DSTYK: variants seen among roughly 807,000 people sequenced by gnomAD.
DSTYK encodes the protein dual serine/threonine and tyrosine protein kinase, also known as RIP-homologous kinase.
DSTYK carries 34 observed loss-of-function variants against 98.7 expected under a neutral mutation model. The observed-to-expected ratio is 0.34, with a 90% CI of 0.26 to 0.46. The LOEUF (loss-of-function observed/expected upper bound fraction) is 0.46, where lower values mean the gene tolerates loss of function less well. DSTYK is among the 20% of genes least tolerant of loss of function. The pLI is 1.00. For missense variants in DSTYK, 962 were observed against 1,181.7 expected (o/e 0.81, Z 2.73); for synonymous variants, 462 against 457.3 (o/e 1.01, Z -0.13).
Position 205,147,591 on chromosome 1 carries a change from C to T in DSTYK, c.2757G>A (p.Glu919=). The T allele has an allele frequency of 6.2e-7, 1 of 1,613,006 alleles. No individual in the cohort carries two copies. The highest frequency in any genetic ancestry group is 8.5e-7 in the Non-Finnish European group (1 of 1,179,006). The change falls in exon 13 of 13, where the codon GAG becomes GAA. Residue 919 remains glutamate (E), a synonymous_variant. Transcript: ENST00000367162. The part of the protein sequence containing the change: ...IMNRLCKSNS[E]QPNRGLDDST ...AATCATCTAGTCCTCTGTTTGGCTG[C>T]TCAGAATTGGACTTGCAGAGCCGAT... is the stretch of plus-strand genomic sequence containing the variant.
chr1:205,183,082 A>AGTG (rs1422093995), intron 2 of DSTYK, among the ~76,000 whole-genome samples: 1 of 141,436 alleles, frequency 7.1e-6, no homozygotes, highest in Non-Finnish European at 1.5e-5. Flanking sequence ...AAAAAAAAGC[A>AGTG]CACACACACA....
At chr1:205,157,445 T>C (rs1657595681) in intron 9 of DSTYK, 59 bp from the exon 10 acceptor site, 1 of 1,372,704 alleles carries the variant, frequency 7.3e-7, no homozygotes, top group South Asian at 1.2e-5. Context: ...TTCAACTGAC[T>C]ATACTAGGGC....
intron 3 of DSTYK, among the ~76,000 whole-genome samples, chr1:205,167,558 G>A (rs1203358736): frequency 2.6e-5 from 4 of 152,160 alleles, no homozygotes; most frequent in African/African-American, 7.2e-5. Context: ...TAAAGGGAGC[G>A]TATGGAGGAC....
Position 205,169,874 on chromosome 1 carries a change from G to C in DSTYK, c.655-42C>G. 1.3e-6 allele frequency: 2 copies of C among 1,543,034 alleles called. No individual in the cohort carries two copies. The highest frequency in any genetic ancestry group is 1.7e-6 in the Non-Finnish European group (2 of 1,148,502). On this transcript the variant is annotated intron_variant, in intron 2 of 12. Coordinates refer to ENST00000367162, the MANE Select transcript of DSTYK (RefSeq NM_015375.3). The surrounding 1 kb of genome is among the most constrained non-coding windows in gnomAD (Gnocchi z 4.0). ...GTCATATATCAGCGCCTCAGGGTCA[G>C]AACCAATCCCTGTCTCCCCAAAGTC...
chr1:205,193,723 T>A (rs538687424), intron 1 of DSTYK, among the ~76,000 whole-genome samples: 11 of 151,964 alleles, frequency 7.2e-5, no homozygotes, highest in African/African-American at 2.7e-4. Flanking sequence ...ATACAAAAAT[T>A]AGCCAGGCGT....
chr1:205,147,162 A>G lies in DSTYK; in HGVS notation c.*396T>C, dbSNP rs1558595842. ...AGTCCTGACTAAACTATTCCTAGCT[A>G]GAGCCAAAAATCATGAGAATGAGAT... On this transcript the variant is annotated 3_prime_UTR_variant, in exon 13 of 13. Coordinates refer to ENST00000367162, the MANE Select transcript of DSTYK (RefSeq NM_015375.3). The G allele has an allele frequency of 6.4e-6, 1 of 156,118 alleles. No individual in the cohort carries two copies. The highest frequency in any genetic ancestry group is 1.4e-5 in the Non-Finnish European group (1 of 70,532). The allele number at this position is 156,118 out of a possible 1,614,324, so 9.7% of individuals were successfully genotyped here.
chr1:205,202,556 C>A (rs941115112), intron 1 of DSTYK: 72 of 954,228 alleles, frequency 7.5e-5, no homozygotes, highest in Middle Eastern at 3.2e-4. Flanking sequence ...AACAAAGCAC[C>A]TAAGATGCGC....
Position 205,159,636 on chromosome 1 carries a change from C to A in DSTYK, c.2149G>T (p.Val717Phe). ...HERLVDLHGS[V>F]IDYNYGGGSS... ...CCACCACCATAGTTGTAGTCAATGACTGAACCATGGAGATCCACCAATCGC... is the reference window on the plus strand; with the variant it reads ...CCACCACCATAGTTGTAGTCAATGAATGAACCATGGAGATCCACCAATCGC... Residue 717 changes from valine to phenylalanine, a missense_variant, in exon 9 of 13, where the codon GTC (valine) becomes TTC (phenylalanine). By Grantham distance (50) the Val-to-Phe change is conservative (BLOSUM62 -1). This residue lies in a region of DSTYK where 660 missense variants were observed against 855.0 expected (regional missense o/e 0.77). Transcript: ENST00000367162. 2 of 1,613,814 alleles carry A rather than the reference C, an allele frequency of 1.2e-6. No homozygotes were observed. The highest frequency in any genetic ancestry group is 2.2e-5 in the East Asian group (1 of 44,870).
At chr1:205,176,731 C>T (rs1006850830) in intron 2 of DSTYK, among the ~76,000 whole-genome samples, 1 of 152,012 alleles carries the variant, frequency 6.6e-6, no homozygotes, top group Non-Finnish European at 1.5e-5. Flanking sequence ...GCATGTGCCA[C>T]TGTGCCCAGC....
At chr1:205,158,901 G>A (rs1395711770) in intron 9 of DSTYK, among the ~76,000 whole-genome samples, 1 of 152,104 alleles carries the variant, frequency 6.6e-6, no homozygotes, top group Middle Eastern at 3.2e-3. Flanking sequence ...AATATCTGTT[G>A]ACTAAACAAC....
chr1:205,202,111 G>A, intron 1 of DSTYK: 1 of 414,398 alleles, frequency 2.4e-6, no homozygotes, highest in Non-Finnish European at 4.9e-6. Flanking sequence ...GAGGGGGAAG[G>A]GAGAAGGGGA....
intron 2 of DSTYK, among the ~76,000 whole-genome samples, chr1:205,186,953 T>C (rs1044061905): frequency 6.6e-6 from 1 of 152,190 alleles, no homozygotes; most frequent in Non-Finnish European, 1.5e-5. Flanking sequence ...AATGGTTAGA[T>C]CTAAGGAAGA....
chr1:205,211,537 G>T lies in DSTYK; in HGVS notation c.-2C>A, dbSNP rs758001095. ...CCATGGCACCCCGTCGCCCTCCATC[G>T]CCTCTGCCCGCTCTGTCTTTGCGGC... On this transcript the variant is annotated 5_prime_UTR_variant, in exon 1 of 13. Transcript: ENST00000367162. The T allele has an allele frequency of 4.3e-5, 66 of 1,517,368 alleles. No homozygotes were observed. The highest frequency in any genetic ancestry group is 3.9e-5 in the Non-Finnish European group (44 of 1,140,438). 94.0% of individuals were successfully genotyped at this position (1,517,368 alleles called of 1,614,324 possible). A position where few individuals can be genotyped will look rare whatever the true frequency, so the allele number is the denominator to read the frequency against.
At chr1:205,166,917 T>C (rs1436744927) in intron 3 of DSTYK, among the ~76,000 whole-genome samples, 1 of 152,218 alleles carries the variant, frequency 6.6e-6, no homozygotes, top group East Asian at 1.9e-4. Context: ...TCTGTGTTAT[T>C]TGCTGCAAGG....
chr1:205,179,342 C>T (rs1284583911), intron 2 of DSTYK, among the ~76,000 whole-genome samples: 3 of 152,050 alleles, frequency 2.0e-5, no homozygotes, highest in East Asian at 1.9e-4. Flanking sequence ...TAGATGCGGC[C>T]GGGCGTGGTG....
intron 12 of DSTYK, 139 bp from the exon 13 acceptor site, chr1:205,147,884 A>G (rs1380576455): frequency 6.0e-6 from 5 of 836,308 alleles, no homozygotes; most frequent in South Asian, 1.9e-5. Context: ...GATTGCAAAC[A>G]TCTAGGTTAG....
intron 1 of DSTYK, among the ~76,000 whole-genome samples, chr1:205,203,239 T>C (rs1659093107): frequency 6.6e-6 from 1 of 151,102 alleles, no homozygotes; most frequent in Admixed American, 6.6e-5. Flanking sequence ...TCCCAGCACC[T>C]TGGGAGGCCA....
rs149543369 is a variant in DSTYK at position 205,157,459 on chromosome 1, T to G, written c.2239-73A>C. The G allele has an allele frequency of 2.4e-6, 3 of 1,256,852 alleles. No homozygotes were observed. The East Asian group carries it at 7.1e-5, about 30-fold the overall frequency. 77.9% of individuals were successfully genotyped at this position (1,256,852 alleles called of 1,614,324 possible). A position where few individuals can be genotyped will look rare whatever the true frequency, so the allele number is the denominator to read the frequency against. On this transcript the variant is annotated intron_variant, in intron 9 of 12. Coordinates refer to ENST00000367162, the MANE Select transcript of DSTYK (RefSeq NM_015375.3). ...ATTCAACTGACTATACTAGGGCACATGAGGACAGAAAAGTGATTTTTAAAA... is the reference window on the plus strand; with the variant it reads ...ATTCAACTGACTATACTAGGGCACAGGAGGACAGAAAAGTGATTTTTAAAA...
chr1:205,211,540 T>C lies in DSTYK; in HGVS notation c.-5A>G, dbSNP rs1389148296. ...TGGCACCCCGTCGCCCTCCATCGCC[T>C]CTGCCCGCTCTGTCTTTGCGGCTCG... is the stretch of plus-strand genomic sequence containing the variant. On this transcript the variant is annotated 5_prime_UTR_variant, in exon 1 of 13. Transcript: ENST00000367162. The C allele has an allele frequency of 2.0e-6, 3 of 1,508,788 alleles. No individual in the cohort carries two copies. The highest frequency in any genetic ancestry group is 2.9e-5 in the African/African-American group (2 of 70,064). The allele number at this position is 1,508,788 out of a possible 1,614,324, so 93.5% of individuals were successfully genotyped here.
Sources: gnomAD v4.1 joint callset for allele counts (sites outside exome capture counted in the v4.1 genomes callset) on GRCh38, gnomAD v4.1.1 for gene constraint, gnomAD v4.1.1 regional missense constraint, Gnocchi (gnomAD v3.1) non-coding constraint, MANE v1.5 for transcripts, NCBI Gene and HGNC (gene_info 2026-07-23, HGNC 2026-07-21) for gene names.